RARB: variants seen among roughly 807,000 people sequenced by gnomAD.
The protein encoded by RARB is retinoic acid receptor beta.
RARB carries 17 observed loss-of-function variants against 51.9 expected under a neutral mutation model. The observed-to-expected ratio is 0.33, with a 90% CI of 0.22 to 0.49. The LOEUF is 0.49. Among genes scored for constraint, RARB ranks in the 20% least tolerant of loss-of-function variants. The pLI, the probability that RARB is intolerant of heterozygous loss-of-function variation, is 0.99. For synonymous variants in RARB, 215 were observed against 195.4 expected (o/e 1.10, Z -0.84); for missense variants, 369 against 550.8 (o/e 0.67, Z 3.30).
intron 5 of RARB, among the ~76,000 whole-genome samples, chr3:25,247,393 C>T (rs1037882090): frequency 3.3e-5 from 5 of 152,202 alleles, no homozygotes; most frequent in African/African-American, 4.8e-5. Context: ...GCATCTGGTT[C>T]GGTGTCTGTC....
chr3:25,499,579 C>A (rs781236570), intron 2 of RARB, among the ~76,000 whole-genome samples: 8 of 152,084 alleles, frequency 5.3e-5, no homozygotes, highest in Admixed American at 1.3e-4. Context: ...ATCGGTGTTT[C>A]CCAGAAAATC....
intron 3 of RARB, among the ~76,000 whole-genome samples, chr3:25,564,920 A>G (rs1448351757): frequency 6.6e-6 from 1 of 152,168 alleles, no homozygotes; most frequent in Non-Finnish European, 1.5e-5. Context: ...CAAACATCCC[A>G]GGCAGCCTTG....
chr3:25,365,490 C>G (rs7636904), intron 5 of RARB, among the ~76,000 whole-genome samples: 57,185 of 151,878 alleles, frequency 0.38, 11,429 homozygotes, highest in East Asian at 0.78. Flanking sequence ...TAACAAACCA[C>G]CCAGAACTGA....
chr3:25,220,886 C>G (rs1235511717), intron 5 of RARB, among the ~76,000 whole-genome samples: 1 of 152,146 alleles, frequency 6.6e-6, no homozygotes, highest in Non-Finnish European at 1.5e-5. Flanking sequence ...CTTTCATGGT[C>G]TTGGCTATCT....
intron 2 of RARB, among the ~76,000 whole-genome samples, chr3:25,012,498 T>G (rs1013974391): frequency 6.6e-6 from 1 of 152,118 alleles, no homozygotes; most frequent in Non-Finnish European, 1.5e-5. Context: ...CTCAGGACTG[T>G]CAGCTCCTCC....
intron 2 of RARB, among the ~76,000 whole-genome samples, chr3:24,881,468 G>A (rs1703164849): frequency 6.6e-6 from 1 of 152,124 alleles, no homozygotes; most frequent in Admixed American, 6.6e-5. Flanking sequence ...TGAAGGACAA[G>A]GGTTTCCAGG....
intron 5 of RARB, among the ~76,000 whole-genome samples, chr3:25,367,395 C>G (rs188153993): frequency 1.3e-5 from 2 of 152,172 alleles, no homozygotes; most frequent in East Asian, 3.9e-4. Context: ...AGTGGACATA[C>G]CTTAACTTAA....
At position 25,445,621 on chromosome 3, in the gene RARB, C is replaced by T. The variant is rs150725509; in HGVS notation, c.158-15572C>T. Among the ~76,000 whole-genome samples, 494 of 152,008 alleles carry T rather than the reference C, an allele frequency of 3.2e-3. 11 individuals are homozygous for T. In the East Asian group the frequency reaches 0.047, roughly 14 times the overall value. On this transcript the variant is annotated intron_variant, in intron 1 of 7. Coordinates refer to ENST00000330688, the MANE Select transcript of RARB (RefSeq NM_000965.5). ...GGCAGGGGTTGCAGTGAGCCGAGGT[C>T]GCGCCACTGCACTCCAGCCTGGGTG...
intron 3 of RARB, among the ~76,000 whole-genome samples, chr3:25,559,050 TC>T (rs946392941): frequency 5.9e-5 from 9 of 152,182 alleles, no homozygotes; most frequent in African/African-American, 1.7e-4. Context: ...ATCTCCCCCA[TC>T]CAGAATGTTT....
At chr3:24,995,070 T>C (rs1696993125) in intron 2 of RARB, among the ~76,000 whole-genome samples, 1 of 152,128 alleles carries the variant, frequency 6.6e-6, no homozygotes, top group Non-Finnish European at 1.5e-5. Context: ...ATTTGTAGAT[T>C]GCTTTGAGTA....
intron 2 of RARB, among the ~76,000 whole-genome samples, chr3:25,480,311 C>G (rs1032704545): frequency 2.4e-4 from 37 of 152,280 alleles, no homozygotes; most frequent in African/African-American, 7.7e-4. Flanking sequence ...TATTCCAGAC[C>G]CATGTTTTTA....
exon 5 of RARB, chr3:25,174,571 G>C: frequency 7.4e-7 from 1 of 1,352,008 alleles, no homozygotes; most frequent in Non-Finnish European, 9.8e-7. Flanking sequence ...CCCCGTCGCC[G>C]GCAAGTAAGT....
intron 3 of RARB, among the ~76,000 whole-genome samples, chr3:25,119,260 G>C (rs1446364747): frequency 6.6e-6 from 1 of 152,122 alleles, no homozygotes; most frequent in Non-Finnish European, 1.5e-5. Flanking sequence ...TCTACTGGCA[G>C]TGAGCTGGTG....
At chr3:25,085,561 T>G (rs1699090172) in intron 3 of RARB, among the ~76,000 whole-genome samples, 1 of 152,160 alleles carries the variant, frequency 6.6e-6, no homozygotes, top group South Asian at 2.1e-4. Flanking sequence ...TCAATTTTTC[T>G]TTATACCATA....
In RARB at chr3:25,594,609, C is replaced by T. The variant is rs780235148; in HGVS notation, c.1081C>T (p.Pro361Ser). Residue 361 changes from proline to serine, a missense_variant, in exon 7 of 8, where the codon CCC (proline) becomes TCC (serine). Physicochemically the swap from Pro to Ser is moderately conservative, Grantham distance 74. Coordinates refer to ENST00000330688, the MANE Select transcript of RARB (RefSeq NM_000965.5). ...ALKIYIRKRR[P>S]SKPHMFPKIL... is the part of the protein sequence containing the mutation. The stretch of plus-strand genomic sequence containing the variant: ...AAAAATTTATATCAGAAAAAGACGA[C>T]CCAGCAAGCCTCACATGTTTCCAAA... 8.1e-6 allele frequency: 13 copies of T among 1,613,612 alleles called. No homozygotes were observed. The highest frequency in any genetic ancestry group is 1.1e-5 in the Non-Finnish European group (13 of 1,179,846).
chr3:25,055,140 C>G (rs1417924989), intron 2 of RARB, among the ~76,000 whole-genome samples: 1 of 152,076 alleles, frequency 6.6e-6, no homozygotes, highest in Non-Finnish European at 1.5e-5. Context: ...AAATTAAAAG[C>G]CAAAGTTTCA....
intron 2 of RARB, among the ~76,000 whole-genome samples, chr3:25,487,089 G>C (rs919704600): frequency 2.0e-5 from 3 of 152,216 alleles, no homozygotes; most frequent in East Asian, 3.9e-4. Context: ...GTGCTGGGAT[G>C]GTGATGTGAG....
At chr3:25,168,249 G>A (rs1214025991) in intron 4 of RARB, among the ~76,000 whole-genome samples, 1 of 151,994 alleles carries the variant, frequency 6.6e-6, no homozygotes, top group African/African-American at 2.4e-5. Flanking sequence ...GAGATGGAGT[G>A]TTGCTCTGTT....
intron 5 of RARB, among the ~76,000 whole-genome samples, chr3:25,350,645 G>C (rs1013351519): frequency 6.6e-6 from 1 of 152,282 alleles, no homozygotes; most frequent in African/African-American, 2.4e-5. Flanking sequence ...GAAGACACTC[G>C]GTCTCTTTTG....
Sources: gnomAD v4.1 joint callset for allele counts (sites outside exome capture counted in the v4.1 genomes callset) on GRCh38, gnomAD v4.1.1 for gene constraint, MANE v1.5 for transcripts, NCBI Gene and HGNC (gene_info 2026-07-23, HGNC 2026-07-21) for gene names.